The following WDR19 variants were observed in gnomAD, a reference collection of about 807,000 sequenced individuals.
WDR19 encodes WD repeat domain 19.
Under a neutral mutation model 180.0 loss-of-function variants are expected in WDR19, and 121 were observed. The observed-to-expected ratio is 0.67, with a 90% CI of 0.58 to 0.78. The LOEUF (loss-of-function observed/expected upper bound fraction) is 0.78, where lower values mean the gene tolerates loss of function less well. Among genes scored for constraint, WDR19 ranks in the 30% least tolerant of loss-of-function variants. The pLI is 0.00. For synonymous variants in WDR19, 497 were observed against 540.7 expected, an observed-to-expected ratio of 0.92 and a Z score of 1.12; for missense variants, 1,450 against 1,640.7, an observed-to-expected ratio of 0.88 and a Z score of 2.01.
intron 1 of WDR19, among the ~76,000 whole-genome samples, chr4:39,183,249 G>GTTTTTT (rs1345010491): frequency 4.4e-5 from 1 of 22,720 alleles, no homozygotes; most frequent in Non-Finnish European, 1.0e-4. Context: ...GAAATGGAAG[G>GTTTTTT]CTTTTTTTTT....
chr4:39,206,476 C>G (rs567232299), intron 9 of WDR19, among the ~76,000 whole-genome samples: 2 of 152,202 alleles, frequency 1.3e-5, no homozygotes, highest in African/African-American at 4.8e-5. Context: ...TCTCTCTGTC[C>G]TCCCTTGGTC....
chr4:39,268,331 C>T (rs537765113), intron 30 of WDR19, among the ~76,000 whole-genome samples: 14 of 152,298 alleles, frequency 9.2e-5, no homozygotes, highest in South Asian at 2.1e-4. Flanking sequence ...TCCTCTCCCC[C>T]ACAACCTCAG....
chr4:39,261,056 C>T lies in WDR19; in HGVS notation c.3183+3502C>T, dbSNP rs138236252. Among the ~76,000 whole-genome samples, 412 of 151,774 alleles carry T rather than the reference C, an allele frequency of 2.7e-3. 1 individual carries two copies. The highest frequency in any genetic ancestry group is 9.3e-3 in the African/African-American group (384 of 41,386). On this transcript the variant is annotated intron_variant, in intron 28 of 36. Transcript: ENST00000399820. ...TCGCACAGGCTGGAGTGCAGTGGCACGATCTTGGCTCACTGCAAACTCCAC... is the reference window on the plus strand; with the variant it reads ...TCGCACAGGCTGGAGTGCAGTGGCATGATCTTGGCTCACTGCAAACTCCAC...
At chr4:39,282,248 C>T (rs567841036) in intron 36 of WDR19, among the ~76,000 whole-genome samples, 3 of 152,340 alleles carry the variant, frequency 2.0e-5, no homozygotes, top group Non-Finnish European at 2.9e-5. Context: ...TAGGGACCAT[C>T]CTAGAATTCT....
chr4:39,258,556 G>A (rs747581666), intron 28 of WDR19, among the ~76,000 whole-genome samples: 13 of 152,118 alleles, frequency 8.5e-5, no homozygotes, highest in Admixed American at 3.9e-4. Context: ...GTTGTCTCCA[G>A]TTTGGGCATA....
At chr4:39,237,886 C>G (rs1236189384) in intron 20 of WDR19, 1 of 152,212 alleles carries the variant, frequency 6.6e-6, no homozygotes, top group Non-Finnish European at 1.5e-5. Context: ...AGTAAGCCCT[C>G]GGACCATCCA....
At chr4:39,274,468 A>G in intron 32 of WDR19, 1 of 226,086 alleles carries the variant, frequency 4.4e-6, no homozygotes, top group African/African-American at 2.2e-5. Context: ...GTATAAAGTC[A>G]TTAATCCCCC....
At chr4:39,249,730 A>C (rs1005847102) in intron 24 of WDR19, among the ~76,000 whole-genome samples, 1 of 152,198 alleles carries the variant, frequency 6.6e-6, no homozygotes, top group African/African-American at 2.4e-5. Flanking sequence ...TACACAAATA[A>C]ACTAGAAAAT....
At chr4:39,249,296 C>T (rs1448995627) in intron 24 of WDR19, among the ~76,000 whole-genome samples, 17 of 150,462 alleles carry the variant, frequency 1.1e-4, no homozygotes, top group Admixed American at 2.7e-4. Context: ...TTGAAACCAA[C>T]GAGAACAAAG....
intron 7 of WDR19, among the ~76,000 whole-genome samples, chr4:39,204,235 G>A (rs1222965441): frequency 2.6e-5 from 4 of 151,868 alleles, no homozygotes; most frequent in Admixed American, 1.3e-4. Flanking sequence ...ACAGGCATGC[G>A]CCACGACACC....
At chr4:39,211,909 C>G (rs1298046986) in intron 9 of WDR19, among the ~76,000 whole-genome samples, 1 of 147,496 alleles carries the variant, frequency 6.8e-6, no homozygotes, top group Non-Finnish European at 1.5e-5. Context: ...CATAGGCATG[C>G]TTGTTCTAAT....
intron 28 of WDR19, among the ~76,000 whole-genome samples, chr4:39,261,006 G>T (rs894745570): frequency 6.6e-6 from 1 of 152,050 alleles, no homozygotes; most frequent in African/African-American, 2.4e-5. Context: ...TCTCTTTTTT[G>T]TTGTTTCGTT....
intron 5 of WDR19, among the ~76,000 whole-genome samples, chr4:39,195,468 T>G (rs1336589784): frequency 1.3e-5 from 2 of 152,078 alleles, no homozygotes; most frequent in Non-Finnish European, 2.9e-5. Flanking sequence ...CAAATCCTAG[T>G]TAAATCTAGA....
chr4:39,218,032 T>C lies in WDR19; in HGVS notation c.1406T>C (p.Phe469Ser), dbSNP rs1054078971. 1.2e-6 allele frequency: 2 copies of C among 1,613,856 alleles called. No homozygotes were observed. Among genetic ancestry groups the C allele is most frequent in the African/African-American group, 1.3e-5 (1 of 74,934 alleles). ...CAAGAAGAACGTGAGACTCGGCTTTTCCCAGCAGTGGATGATAAGTGCCGT... is the reference window on the plus strand; with the variant it reads ...CAAGAAGAACGTGAGACTCGGCTTTCCCCAGCAGTGGATGATAAGTGCCGT... ...DAQEERETRL[F>S]PAVDDKCRIL... is the part of the protein sequence containing the mutation. Residue 469 changes from phenylalanine to serine, a missense_variant, in exon 14 of 37, where the codon TTC becomes TCC. By Grantham distance (155) the Phe-to-Ser change is radical. Transcript: ENST00000399820.
intron 3 of WDR19, among the ~76,000 whole-genome samples, chr4:39,188,039 T>G (rs955433291): frequency 6.6e-6 from 1 of 152,036 alleles, no homozygotes; most frequent in African/African-American, 2.4e-5. Flanking sequence ...TAAATATAAA[T>G]CAAAGTATGG....
At chr4:39,210,446 G>T (rs1436995417) in intron 9 of WDR19, among the ~76,000 whole-genome samples, 1 of 152,244 alleles carries the variant, frequency 6.6e-6, no homozygotes, top group South Asian at 2.1e-4. Flanking sequence ...GCTTTGGGAG[G>T]CTGAGCCAGG....
chr4:39,183,575 A>G (rs1478201168), intron 1 of WDR19, among the ~76,000 whole-genome samples: 1 of 152,178 alleles, frequency 6.6e-6, no homozygotes, highest in Non-Finnish European at 1.5e-5. Flanking sequence ...AAATTATTTT[A>G]GATGTCCTCA....
intron 4 of WDR19, 114 bp downstream of exon 4, chr4:39,189,895 T>C: frequency 2.5e-6 from 3 of 1,180,666 alleles, no homozygotes; most frequent in Non-Finnish European, 3.5e-6. Context: ...TGAGTTATTT[T>C]CATAGAAAAG....
At chr4:39,213,986 G>A (rs1190384477) in intron 9 of WDR19, among the ~76,000 whole-genome samples, 1 of 152,120 alleles carries the variant, frequency 6.6e-6, no homozygotes, top group Non-Finnish European at 1.5e-5. Flanking sequence ...GAGAAGAGAA[G>A]GAGAAAAGGA....
Sources: gnomAD v4.1 joint callset for allele counts (sites outside exome capture counted in the v4.1 genomes callset) on GRCh38, gnomAD v4.1.1 for gene constraint, MANE v1.5 for transcripts, NCBI Gene and HGNC (gene_info 2026-07-23, HGNC 2026-07-21) for gene names.